The following NRXN1 variants were observed in gnomAD, a reference collection of about 807,000 sequenced individuals.
NRXN1 encodes the protein neurexin 1.
In NRXN1, 39 loss-of-function variants were observed where a neutral mutation model predicts 150.9. The observed-to-expected ratio is 0.26, with a 90% CI of 0.20 to 0.34. The LOEUF is 0.34. Ranked by LOEUF, NRXN1 falls within the 10% of genes least tolerant of loss-of-function variation. NRXN1 has a pLI of 1.00. For synonymous variants in NRXN1, 924 were observed against 757.0 expected, an observed-to-expected ratio of 1.22 and a Z score of -3.62; for missense variants, 1,815 against 1,949.9, an observed-to-expected ratio of 0.93 and a Z score of 1.30.
At chr2:50,299,826 G>C (rs1382361167) in intron 17 of NRXN1, among the ~76,000 whole-genome samples, 9 of 152,144 alleles carry the variant, frequency 5.9e-5, no homozygotes, top group Non-Finnish European at 1.3e-4. Flanking sequence ...CTAACAAACA[G>C]TCTATAATCC....
At chr2:50,639,270 G>T (rs1481725713) in intron 5 of NRXN1, among the ~76,000 whole-genome samples, 1 of 146,170 alleles carries the variant, frequency 6.8e-6, no homozygotes, top group African/African-American at 2.5e-5. Flanking sequence ...ACCCAGGCTG[G>T]AGTGCAGTGG....
At chr2:50,514,043 T>C (rs1173094934) in intron 12 of NRXN1, among the ~76,000 whole-genome samples, 3 of 152,164 alleles carry the variant, frequency 2.0e-5, no homozygotes, top group Non-Finnish European at 2.9e-5. Context: ...GGTTCTAAAG[T>C]TCACTTTATT....
intron 18 of NRXN1, among the ~76,000 whole-genome samples, chr2:50,208,698 T>A (rs544193714): frequency 7.2e-5 from 11 of 152,150 alleles, no homozygotes; most frequent in African/African-American, 2.6e-4. Context: ...CAGTTTGGGG[T>A]CTGAGCTAAC....
At chr2:50,200,698 C>A (rs1342965382) in intron 18 of NRXN1, among the ~76,000 whole-genome samples, 1 of 152,012 alleles carries the variant, frequency 6.6e-6, no homozygotes, top group Non-Finnish European at 1.5e-5. Context: ...ACTGTTTCTG[C>A]AAGAAGTAAA....
At chr2:50,266,002 A>ATTTATT (rs2068814152) in intron 17 of NRXN1, among the ~76,000 whole-genome samples, 3 of 84,714 alleles carry the variant, frequency 3.5e-5, no homozygotes, top group African/African-American at 1.2e-4. Flanking sequence ...ATTATTATTT[A>ATTTATT]TTTTTTTTTT....
In NRXN1 at chr2:50,472,467, G is replaced by A. The variant is rs748173848; in HGVS notation, c.3075C>T (p.Asp1025=). The A allele has an allele frequency of 6.2e-7, 1 of 1,609,652 alleles. No individual in the cohort carries two copies. The highest frequency in any genetic ancestry group is 1.3e-5 in the African/African-American group (1 of 74,616). ...AGARNLDLKS[D]LYIGGVAKET... is the part of the protein sequence containing the mutation. ...CTTTAGCTACTCCTCCTATATATAA[G>A]TCACCTGCAAGAAGATCAAAGTCTT... Residue 1025 remains aspartate, a synonymous_variant, in exon 16 of 23, where the codon GAC becomes GAT. Coordinates refer to ENST00000401669, the MANE Select transcript of NRXN1 (RefSeq NM_001330078.2).
At chr2:50,978,286 ATATATATATATAT>A (rs1696213377) in intron 2 of NRXN1, among the ~76,000 whole-genome samples, 1 of 112,094 alleles carries the variant, frequency 8.9e-6, no homozygotes, top group Non-Finnish European at 1.7e-5. Flanking sequence ...ATATATATAT[ATATATATATATAT>A]ATATATAAAA....
chr2:50,993,341 T>C (rs543776123), intron 2 of NRXN1, among the ~76,000 whole-genome samples: 15 of 152,058 alleles, frequency 9.9e-5, no homozygotes, highest in African/African-American at 3.1e-4. Context: ...CAGTGTGCCA[T>C]ACTGCCCCAA....
intron 12 of NRXN1, among the ~76,000 whole-genome samples, chr2:50,518,755 A>C (rs2092698423): frequency 6.6e-6 from 1 of 151,850 alleles, no homozygotes; most frequent in Non-Finnish European, 1.5e-5. Flanking sequence ...TCATAATTCA[A>C]GATCAATGAA....
intron 5 of NRXN1, among the ~76,000 whole-genome samples, chr2:50,887,962 TAAA>T (rs1237071646): frequency 3.0e-5 from 4 of 133,764 alleles, no homozygotes; most frequent in Admixed American, 7.6e-5. Flanking sequence ...ACCTTTTAAG[TAAA>T]AAAAAAAAAA....
chr2:50,452,487 C>T (rs2087068367), intron 17 of NRXN1, among the ~76,000 whole-genome samples: 1 of 152,082 alleles, frequency 6.6e-6, no homozygotes, highest in East Asian at 1.9e-4. Context: ...TTGCTCAAGG[C>T]CACATACTGG....
intron 17 of NRXN1, among the ~76,000 whole-genome samples, chr2:50,336,772 G>C (rs1326934725): frequency 6.6e-6 from 1 of 152,130 alleles, no homozygotes; most frequent in Admixed American, 6.5e-5. Flanking sequence ...TGTCATTTGA[G>C]ATTAATAAAT....
intron 5 of NRXN1, among the ~76,000 whole-genome samples, chr2:50,818,404 T>C (rs1312160472): frequency 3.9e-5 from 6 of 151,946 alleles, no homozygotes; most frequent in Non-Finnish European, 8.8e-5. Context: ...AGTTTATCAC[T>C]AACTGTTTTA....
chr2:50,616,773 T>C (rs1158828731), intron 8 of NRXN1, among the ~76,000 whole-genome samples: 5 of 152,134 alleles, frequency 3.3e-5, no homozygotes, highest in Non-Finnish European at 7.4e-5. Context: ...CAAGGTGTTA[T>C]TAGAATCTCC....
At chr2:50,133,801 A>G (rs986632803) in intron 18 of NRXN1, among the ~76,000 whole-genome samples, 3 of 152,190 alleles carry the variant, frequency 2.0e-5, no homozygotes, top group Admixed American at 1.3e-4. Context: ...TTAAAAAACT[A>G]AAGCCATGAG....
intron 21 of NRXN1, among the ~76,000 whole-genome samples, chr2:49,975,627 T>C (rs1383398569): frequency 6.6e-6 from 1 of 152,214 alleles, no homozygotes; most frequent in Non-Finnish European, 1.5e-5. Context: ...CATGTGTTTT[T>C]TTCTATTTAT....
At chr2:51,004,570 G>T (rs1700470615) in intron 2 of NRXN1, among the ~76,000 whole-genome samples, 1 of 151,800 alleles carries the variant, frequency 6.6e-6, no homozygotes, top group Non-Finnish European at 1.5e-5. Context: ...TTGAACCTGG[G>T]AGGCAGAGGA....
chr2:50,065,312 G>A (rs1695201172), intron 19 of NRXN1, among the ~76,000 whole-genome samples: 2 of 152,010 alleles, frequency 1.3e-5, no homozygotes, highest in South Asian at 4.1e-4. Flanking sequence ...CATAGAAAGA[G>A]GGACCATTTG....
intron 5 of NRXN1, among the ~76,000 whole-genome samples, chr2:50,911,939 T>C (rs1684582456): frequency 6.6e-6 from 1 of 151,866 alleles, no homozygotes; most frequent in African/African-American, 2.4e-5. Context: ...GAAGGGTAGA[T>C]CTAATAGAAT....
Sources: allele counts gnomAD v4.1 joint callset (sites outside exome capture counted in the v4.1 genomes callset), GRCh38; gene constraint gnomAD v4.1.1; transcripts MANE v1.5; gene names NCBI Gene and HGNC (gene_info 2026-07-23, HGNC 2026-07-21).